Variants in GRM7 observed in about 807,000 individuals in gnomAD.
GRM7 encodes metabotropic glutamate receptor 7.
In GRM7, 35 loss-of-function variants were observed where a neutral mutation model predicts 84.5. The ratio of observed to expected loss-of-function variants is 0.41; its 90% CI spans 0.32 to 0.55. The LOEUF (loss-of-function observed/expected upper bound fraction) is 0.55. Among genes scored for constraint, GRM7 ranks in the 20% least tolerant of loss-of-function variants. The pLI is 0.19. For missense variants in GRM7, 1,003 were observed against 1,194.6 expected (o/e 0.84, Z 2.36); for synonymous variants, 487 against 455.1 (o/e 1.07, Z -0.89).
chr3:6,929,983 T>C (rs1697445053), intron 1 of GRM7, among the ~76,000 whole-genome samples: 1 of 152,176 alleles, frequency 6.6e-6, no homozygotes, highest in South Asian at 2.1e-4. Flanking sequence ...GAGTAATCAT[T>C]TGATTTTCCC....
chr3:7,233,527 CTTAT>C (rs1264338143), intron 2 of GRM7, among the ~76,000 whole-genome samples: 1 of 152,034 alleles, frequency 6.6e-6, no homozygotes, highest in East Asian at 1.9e-4. Context: ...AGCCTTGAAG[CTTAT>C]TTAATCTGAG....
At chr3:7,694,676 G>T in intron 9 of GRM7, among the ~76,000 whole-genome samples, 1 of 152,018 alleles carries the variant, frequency 6.6e-6, no homozygotes, top group African/African-American at 2.4e-5. Flanking sequence ...ATAACACAAC[G>T]CATGTTTCCT....
chr3:7,630,956 G>A (rs1243707926), intron 8 of GRM7, among the ~76,000 whole-genome samples: 1 of 152,182 alleles, frequency 6.6e-6, no homozygotes, highest in Non-Finnish European at 1.5e-5. Context: ...CTTTTTAAAA[G>A]TGCCAACTGT....
intron 4 of GRM7, among the ~76,000 whole-genome samples, chr3:7,383,746 C>A (rs4686127): frequency 0.076 from 11,502 of 152,210 alleles, 560 homozygotes; most frequent in Admixed American, 0.12. Flanking sequence ...GCATTCAAGT[C>A]ATTCAAATAT....
At chr3:7,387,690 C>T (rs1229099817) in intron 4 of GRM7, among the ~76,000 whole-genome samples, 1 of 152,068 alleles carries the variant, frequency 6.6e-6, no homozygotes, top group African/African-American at 2.4e-5. Context: ...GTTACTGTAG[C>T]CTTGTAGGAT....
rs555160373 is a variant in GRM7 at position 7,117,535 on chromosome 3, C to T, written c.520-28917C>T. ...GGATTCCTGCATCAAGTGGTCTAAG[C>T]TATCCCCTGACTCTGGGGCCCTCCT... On this transcript the variant is annotated intron_variant, in intron 1 of 9. Coordinates refer to ENST00000357716, the MANE Select transcript of GRM7 (RefSeq NM_000844.4). 9.2e-5 allele frequency among the ~76,000 whole-genome samples: 14 copies of T among 152,288 alleles called. No homozygotes were observed. The East Asian group carries it at 2.3e-3, about 25-fold the overall frequency.
intron 1 of GRM7, among the ~76,000 whole-genome samples, chr3:7,063,597 A>T (rs553270539): frequency 6.6e-6 from 1 of 151,922 alleles, no homozygotes; most frequent in South Asian, 2.1e-4. Flanking sequence ...TCAGATAATT[A>T]CTTTCTTTTA....
chr3:7,553,757 C>T (rs1693615127), intron 7 of GRM7, among the ~76,000 whole-genome samples: 1 of 152,160 alleles, frequency 6.6e-6, no homozygotes, highest in African/African-American at 2.4e-5. Context: ...ATTCATTTAC[C>T]TCCACCTGGT....
chr3:7,576,157 G>GT (rs1225480881), intron 7 of GRM7, among the ~76,000 whole-genome samples: 2 of 152,138 alleles, frequency 1.3e-5, no homozygotes, highest in African/African-American at 4.8e-5. Context: ...AATACCAGCA[G>GT]TTCTTTTAGG....
chr3:7,268,079 C>G (rs1698713635), intron 2 of GRM7, among the ~76,000 whole-genome samples: 1 of 151,970 alleles, frequency 6.6e-6, no homozygotes, highest in African/African-American at 2.4e-5. Flanking sequence ...AAGTCGTGTT[C>G]AAATATAATT....
intron 1 of GRM7, among the ~76,000 whole-genome samples, chr3:7,046,901 G>A (rs1341992278): frequency 1.3e-5 from 2 of 151,938 alleles, no homozygotes; most frequent in Non-Finnish European, 2.9e-5. Flanking sequence ...CAATAGAGAA[G>A]TTCTTATAAA....
At chr3:7,568,363 G>A (rs1266968905) in intron 7 of GRM7, among the ~76,000 whole-genome samples, 3 of 152,218 alleles carry the variant, frequency 2.0e-5, no homozygotes, top group Non-Finnish European at 4.4e-5. Context: ...GGCTGAGGAG[G>A]CTTCACAATC....
At position 7,229,173 on chromosome 3, in the gene GRM7, G is replaced by C. The variant is rs144590778; in HGVS notation, c.737-69511G>C. Among the ~76,000 whole-genome samples, 181 of 152,038 alleles carry C rather than the reference G, an allele frequency of 1.2e-3. 2 individuals are homozygous for C. The East Asian group carries it at 0.017, about 14-fold the overall frequency. ...GAGGGGTGGGGTGGAGGTAGTTATCGGAGTAACTTTACAATTAACATTTCC... is the reference window on the plus strand; with the variant it reads ...GAGGGGTGGGGTGGAGGTAGTTATCCGAGTAACTTTACAATTAACATTTCC... On this transcript the variant is annotated intron_variant, in intron 2 of 9. Coordinates refer to ENST00000357716, the MANE Select transcript of GRM7 (RefSeq NM_000844.4).
chr3:7,627,169 T>C (rs893367496), intron 8 of GRM7, among the ~76,000 whole-genome samples: 1 of 152,160 alleles, frequency 6.6e-6, no homozygotes, highest in African/African-American at 2.4e-5. Flanking sequence ...GGAAGAGCTA[T>C]AAAGCAATGT....
At position 7,160,525 on chromosome 3, in the gene GRM7, CT is replaced by C. The variant is rs59292393; in HGVS notation, c.736+13860del. On this transcript the variant is annotated intron_variant, in intron 2 of 9. Coordinates refer to ENST00000357716, the MANE Select transcript of GRM7 (RefSeq NM_000844.4). Reference sequence around the variant, plus strand: ...GTCCTGCTGGATAGATTTAGGTTTCCTTTCTTTTTTAAGGGCCTCAGTTTGC... The same window carrying C: ...GTCCTGCTGGATAGATTTAGGTTTCCTTCTTTTTTAAGGGCCTCAGTTTGC... Among the ~76,000 whole-genome samples, 224 of 152,198 alleles carry C rather than the reference CT, an allele frequency of 1.5e-3. 1 individual carries two copies. Among genetic ancestry groups the C allele is most frequent in the African/African-American group, 4.8e-3 (198 of 41,538 alleles).
chr3:7,189,623 G>T (rs1173092428), intron 2 of GRM7, among the ~76,000 whole-genome samples: 1 of 152,112 alleles, frequency 6.6e-6, no homozygotes, highest in African/African-American at 2.4e-5. Flanking sequence ...CCCAAAGTAA[G>T]GTGACCTCAA....
intron 2 of GRM7, among the ~76,000 whole-genome samples, chr3:7,207,077 A>G (rs1310236094): frequency 6.6e-6 from 1 of 152,214 alleles, no homozygotes; most frequent in Non-Finnish European, 1.5e-5. Context: ...AGAGAAATAG[A>G]AGAAAACAGA....
chr3:7,733,815 G>A (rs973105457), intron 9 of GRM7, among the ~76,000 whole-genome samples: 1 of 151,934 alleles, frequency 6.6e-6, no homozygotes, highest in African/African-American at 2.4e-5. Context: ...TCCTCTCCAC[G>A]CACCTTTGGA....
Position 7,648,972 on chromosome 3 carries a change from A to T in GRM7, c.2452-31077A>T, listed in dbSNP as rs185271195. ...GTTAAAGGAGCAAACTGAAGGAAGCACTCATTGTTTCCCCCCAGGCCCCTT... is the reference window on the plus strand; with the variant it reads ...GTTAAAGGAGCAAACTGAAGGAAGCTCTCATTGTTTCCCCCCAGGCCCCTT... On this transcript the variant is annotated intron_variant, in intron 8 of 9. Transcript: ENST00000357716. 9.2e-4 allele frequency among the ~76,000 whole-genome samples: 137 copies of T among 149,540 alleles called. 1 individual carries two copies. Among genetic ancestry groups the T allele is most frequent in the African/African-American group, 3.5e-3 (135 of 38,928 alleles).
Sources: allele counts gnomAD v4.1 joint callset (sites outside exome capture counted in the v4.1 genomes callset), GRCh38; gene constraint gnomAD v4.1.1; transcripts MANE v1.5; gene names NCBI Gene and HGNC (gene_info 2026-07-23, HGNC 2026-07-21).